PPP3CA: variants seen among roughly 807,000 people sequenced by gnomAD.
PPP3CA encodes the protein CAM-PRP catalytic subunit.
A neutral mutation model predicts 66.5 loss-of-function variants in PPP3CA; 14 were observed. The ratio of observed to expected loss-of-function variants is 0.21; its 90% CI spans 0.14 to 0.33. The LOEUF (loss-of-function observed/expected upper bound fraction) is 0.33, where lower values mean the gene tolerates loss of function less well. Ranked by LOEUF, PPP3CA falls within the 10% of genes least tolerant of loss-of-function variation. The pLI is 1.00. For missense variants in PPP3CA, 317 were observed against 639.5 expected (o/e 0.50, Z 5.44); for synonymous variants, 232 against 226.2 (o/e 1.03, Z -0.23).
chr4:101,346,829 C>G lies in PPP3CA; in HGVS notation c.-33G>C. ...TGCCGGAGGACAGCGACGCGCTGCT[C>G]GTCCGTCCGACTGCACACCCCGACC... On this transcript the variant is annotated 5_prime_UTR_variant, in exon 1 of 14. Transcript: ENST00000394854. 2 of 1,601,462 alleles carry G rather than the reference C, an allele frequency of 1.2e-6. No homozygotes were observed. The highest frequency in any genetic ancestry group is 1.1e-5 in the South Asian group (1 of 89,192).
chr4:101,188,225 T>C lies in PPP3CA; in HGVS notation c.259+7691A>G, dbSNP rs570830306. 4.4e-4 allele frequency among the ~76,000 whole-genome samples: 67 copies of C among 152,178 alleles called. 1 individual carries two copies. Among genetic ancestry groups the C allele is most frequent in the African/African-American group, 1.5e-3 (61 of 41,542 alleles). The stretch of plus-strand genomic sequence containing the variant: ...CTATCTTGAATATGACAAAAATATA[T>C]GAATCTGAAAAGAAAAGCAGTGAAA... On this transcript the variant is annotated intron_variant, in intron 2 of 13. Coordinates refer to ENST00000394854, the MANE Select transcript of PPP3CA (RefSeq NM_000944.5).
intron 7 of PPP3CA, among the ~76,000 whole-genome samples, chr4:101,082,867 C>T (rs183996728): frequency 6.6e-6 from 1 of 152,184 alleles, no homozygotes; most frequent in Non-Finnish European, 1.5e-5. Flanking sequence ...TGGTAATTTA[C>T]TCACTTATAT....
At chr4:101,300,809 A>G in intron 1 of PPP3CA, among the ~76,000 whole-genome samples, 1 of 152,180 alleles carries the variant, frequency 6.6e-6, no homozygotes, top group East Asian at 1.9e-4. Flanking sequence ...TATTTCATAT[A>G]GTAGTCCTAA....
intron 2 of PPP3CA, among the ~76,000 whole-genome samples, chr4:101,189,695 A>AC (rs1724531518): frequency 6.6e-6 from 1 of 151,170 alleles, no homozygotes; most frequent in African/African-American, 2.4e-5. Flanking sequence ...GGCAAAAAAA[A>AC]AAAAAAAAAC....
At chr4:101,321,527 G>A (rs1156582840) in intron 1 of PPP3CA, among the ~76,000 whole-genome samples, 2 of 152,062 alleles carry the variant, frequency 1.3e-5, no homozygotes, top group African/African-American at 2.4e-5. Flanking sequence ...TTCCATCTTC[G>A]GTAATGACAA....
chr4:101,217,870 C>T (rs992338901), intron 1 of PPP3CA, among the ~76,000 whole-genome samples: 1 of 152,024 alleles, frequency 6.6e-6, no homozygotes, highest in African/African-American at 2.4e-5. Flanking sequence ...GGCCTGAAAT[C>T]CTTATCCCCA....
chr4:101,320,551 C>T (rs570032593), intron 1 of PPP3CA, among the ~76,000 whole-genome samples: 64 of 151,584 alleles, frequency 4.2e-4, no homozygotes, highest in Admixed American at 1.2e-3. Flanking sequence ...CAGTGGAGGG[C>T]GGAGGGGCTT....
At chr4:101,104,281 G>A (rs1016450513) in intron 3 of PPP3CA, among the ~76,000 whole-genome samples, 2 of 152,100 alleles carry the variant, frequency 1.3e-5, no homozygotes, top group African/African-American at 4.8e-5. Context: ...ATACACGCTG[G>A]AAAACTGAGC....
intron 2 of PPP3CA, among the ~76,000 whole-genome samples, chr4:101,115,718 T>C (rs1372559580): frequency 6.6e-6 from 1 of 151,904 alleles, no homozygotes; most frequent in Non-Finnish European, 1.5e-5. Context: ...ATATAAAATA[T>C]ACATTTTCAC....
chr4:101,283,923 T>C (rs2110280940), intron 1 of PPP3CA, among the ~76,000 whole-genome samples: 1 of 152,304 alleles, frequency 6.6e-6, no homozygotes, highest in South Asian at 2.1e-4. Flanking sequence ...CAGGATTCCT[T>C]TAAATCTTAA....
chr4:101,310,188 C>A (rs1266785487), intron 1 of PPP3CA, among the ~76,000 whole-genome samples: 1 of 152,094 alleles, frequency 6.6e-6, no homozygotes, highest in Non-Finnish European at 1.5e-5. Flanking sequence ...AAATGAATTT[C>A]TCATAATTAA....
chr4:101,169,550 A>G (rs999406753), intron 2 of PPP3CA, among the ~76,000 whole-genome samples: 8 of 152,166 alleles, frequency 5.3e-5, no homozygotes, highest in African/African-American at 1.7e-4. Context: ...TGGCACATAT[A>G]TGCTAAATAT....
chr4:101,223,221 A>G (rs1004794935), intron 1 of PPP3CA, among the ~76,000 whole-genome samples: 1 of 151,810 alleles, frequency 6.6e-6, no homozygotes, highest in African/African-American at 2.4e-5. Context: ...TGAGAGAGGT[A>G]ATTAACTTAC....
At chr4:101,061,219 T>C in intron 9 of PPP3CA, 58 bp from the exon 10 acceptor site, 1 of 1,421,518 alleles carries the variant, frequency 7.0e-7, no homozygotes, top group Non-Finnish European at 9.9e-7. Context: ...CCTTAACTAT[T>C]ACTCTGGCAT....
At chr4:101,328,941 C>T (rs879351090) in intron 1 of PPP3CA, among the ~76,000 whole-genome samples, 1 of 151,988 alleles carries the variant, frequency 6.6e-6, no homozygotes, top group African/African-American at 2.4e-5. Context: ...CTTGGGCCTC[C>T]CTACTCCCTG....
Position 101,199,632 on chromosome 4 carries a change from T to C in PPP3CA, c.59-3516A>G, listed in dbSNP as rs150600612. ...AGCAAAGTAGATAAAATCTGGGACATGTAAGTCCTTGACTGACTCCTAACA... is the reference window on the plus strand; with the variant it reads ...AGCAAAGTAGATAAAATCTGGGACACGTAAGTCCTTGACTGACTCCTAACA... On this transcript the variant is annotated intron_variant, in intron 1 of 13. Coordinates refer to ENST00000394854, the MANE Select transcript of PPP3CA (RefSeq NM_000944.5). 2.9e-3 allele frequency among the ~76,000 whole-genome samples: 446 copies of C among 152,336 alleles called. 6 individuals carry two copies. Among genetic ancestry groups the C allele is most frequent in the African/African-American group, 9.7e-3 (403 of 41,574 alleles).
chr4:101,291,625 T>C (rs978043365), intron 1 of PPP3CA, among the ~76,000 whole-genome samples: 1 of 152,198 alleles, frequency 6.6e-6, no homozygotes, highest in Non-Finnish European at 1.5e-5. Flanking sequence ...ATAAGATTAA[T>C]AACGCAACAT....
intron 1 of PPP3CA, among the ~76,000 whole-genome samples, chr4:101,318,723 T>A (rs1324393432): frequency 5.3e-5 from 8 of 152,178 alleles, no homozygotes; most frequent in African/African-American, 1.7e-4. Context: ...TCAGGTTTCA[T>A]AGGTTCTTAA....
Position 101,025,106 on chromosome 4 carries a change from AAGAT to A in PPP3CA, c.*755_*758del, listed in dbSNP as rs1175859438. 4 of 152,522 alleles carry A rather than the reference AAGAT, an allele frequency of 2.6e-5. No individual in the cohort carries two copies. Among genetic ancestry groups the A allele is most frequent in the African/African-American group, 9.7e-5 (4 of 41,428 alleles). The allele number at this position is 152,522 out of a possible 1,614,324, so 9.4% of individuals were successfully genotyped here. A position where few individuals can be genotyped will look rare whatever the true frequency, so the allele number is the denominator to read the frequency against. On this transcript the variant is annotated 3_prime_UTR_variant, in exon 14 of 14. Coordinates refer to ENST00000394854, the MANE Select transcript of PPP3CA (RefSeq NM_000944.5). ...AAACCCCTAAATATAAACGGCAAAA[AAGAT>A]AGATATAATTATTCCAGTTTTTTTA...
Sources: gnomAD v4.1 joint callset for allele counts (sites outside exome capture counted in the v4.1 genomes callset) on GRCh38, gnomAD v4.1.1 for gene constraint, MANE v1.5 for transcripts, NCBI Gene and HGNC (gene_info 2026-07-23, HGNC 2026-07-21) for gene names.